The following PCDH11Y variants were observed in gnomAD, a reference collection of about 807,000 sequenced individuals.
The protein encoded by PCDH11Y is protocadherin-11 Y-linked.
For missense variants in PCDH11Y, 12 were observed against 224.8 expected (o/e 0.05, Z 6.05); for synonymous variants, 9 against 83.6 (o/e 0.11, Z 4.87).
intron 2 of PCDH11Y, among the ~76,000 whole-genome samples, chrY:5,230,974 C>T: frequency 1.7e-4 from 5 of 29,958 alleles, no homozygotes; most frequent in African/African-American, 6.5e-4. Flanking sequence ...TGTTCAGCTT[C>T]AGAATTTCTG....
chrY:5,377,821 G>A (rs1602915131), intron 2 of PCDH11Y, among the ~76,000 whole-genome samples: 1 of 32,847 alleles, frequency 3.0e-5, no homozygotes, highest in Non-Finnish European at 7.5e-5. Flanking sequence ...CGTGATCTCG[G>A]CTCAGTGCAA....
intron 4 of PCDH11Y, among the ~76,000 whole-genome samples, chrY:5,633,069 A>G: frequency 3.2e-5 from 1 of 31,680 alleles, no homozygotes; most frequent in South Asian, 7.2e-4. Flanking sequence ...GGCCACCCCA[A>G]TTCTGAGCAA....
intron 2 of PCDH11Y, among the ~76,000 whole-genome samples, chrY:5,319,314 C>T (rs1602903786): frequency 3.0e-5 from 1 of 33,084 alleles, no homozygotes; most frequent in East Asian, 7.9e-4. Context: ...ATATTCTATG[C>T]CATCATGAAT....
intron 2 of PCDH11Y, among the ~76,000 whole-genome samples, chrY:5,133,782 A>T: frequency 9.1e-5 from 3 of 32,811 alleles, no homozygotes; most frequent in African/African-American, 3.6e-4. Flanking sequence ...TAAATAAGTG[A>T]GAACATGTGA....
At chrY:5,412,600 G>C in intron 2 of PCDH11Y, among the ~76,000 whole-genome samples, 1 of 33,132 alleles carries the variant, frequency 3.0e-5, no homozygotes, top group Non-Finnish European at 7.5e-5. Flanking sequence ...TTTGAAGCAG[G>C]CTCCTTCAAT....
At chrY:5,140,428 T>C in intron 2 of PCDH11Y, among the ~76,000 whole-genome samples, 1 of 30,070 alleles carries the variant, frequency 3.3e-5, no homozygotes. Context: ...TATAAAAGTG[T>C]TGCGCATTTA....
At chrY:5,540,296 A>G in intron 3 of PCDH11Y, among the ~76,000 whole-genome samples, 1 of 33,465 alleles carries the variant, frequency 3.0e-5, no homozygotes, top group Non-Finnish European at 7.5e-5. Flanking sequence ...ATGCACATGC[A>G]CACACATACC....
intron 2 of PCDH11Y, among the ~76,000 whole-genome samples, chrY:5,342,300 C>T: frequency 6.0e-5 from 2 of 33,198 alleles, no homozygotes; most frequent in Non-Finnish European, 1.5e-4. Flanking sequence ...CAATGTATTG[C>T]TCTAATTTAT....
chrY:5,742,098 T>G, exon 5 of PCDH11Y: 1 of 32,015 alleles, frequency 3.1e-5, no homozygotes, highest in East Asian at 8.4e-4. Flanking sequence ...GTAAGAAGGT[T>G]GACTATTGTA....
intron 1 of PCDH11Y, among the ~76,000 whole-genome samples, chrY:5,082,707 T>C (rs2124632362): frequency 3.0e-5 from 1 of 33,520 alleles, no homozygotes; most frequent in East Asian, 7.9e-4. Context: ...GTTGTTTGTG[T>C]TTCTGTGGGT....
intron 3 of PCDH11Y, among the ~76,000 whole-genome samples, chrY:5,557,727 A>G: frequency 3.1e-5 from 1 of 32,554 alleles, no homozygotes; most frequent in Non-Finnish European, 7.5e-5. Flanking sequence ...AACAGTGGTG[A>G]TAGTAGGCAT....
intron 2 of PCDH11Y, among the ~76,000 whole-genome samples, chrY:5,321,932 A>G: frequency 3.3e-5 from 1 of 29,964 alleles, no homozygotes; most frequent in African/African-American, 1.3e-4. Context: ...ACTGCATTCC[A>G]GACTGGGAAA....
chrY:5,046,453 G>C, intron 3 of PCDH11Y, among the ~76,000 whole-genome samples: 1 of 33,754 alleles, frequency 3.0e-5, no homozygotes, highest in Non-Finnish European at 7.4e-5. Context: ...CCCACTTGAG[G>C]AGGCAGTCTG....
At chrY:5,306,726 C>T in intron 2 of PCDH11Y, among the ~76,000 whole-genome samples, 3 of 32,376 alleles carry the variant, frequency 9.3e-5, no homozygotes, top group Non-Finnish European at 2.3e-4. Context: ...AACTCTTATG[C>T]ACTTAAGGAG....
At chrY:5,684,113 TA>T (rs2053560994) in intron 4 of PCDH11Y, among the ~76,000 whole-genome samples, 2 of 33,123 alleles carry the variant, frequency 6.0e-5, no homozygotes, top group South Asian at 1.3e-3. Context: ...AACAACTCTA[TA>T]CAAAGAAAAT....
intron 2 of PCDH11Y, among the ~76,000 whole-genome samples, chrY:5,462,715 C>A: frequency 3.1e-5 from 1 of 32,045 alleles, no homozygotes; most frequent in Non-Finnish European, 7.6e-5. Context: ...CGGCTCACTG[C>A]AAACTCTGCC....
intron 4 of PCDH11Y, among the ~76,000 whole-genome samples, chrY:5,735,692 C>T: frequency 3.3e-5 from 1 of 30,166 alleles, no homozygotes; most frequent in Non-Finnish European, 8.0e-5. Flanking sequence ...TTTTTTTAAT[C>T]AAAATTGGTT....
intron 2 of PCDH11Y, among the ~76,000 whole-genome samples, chrY:5,407,651 G>C (rs2053240128): frequency 2.8e-4 from 9 of 32,615 alleles, no homozygotes; most frequent in East Asian, 8.2e-4. Flanking sequence ...CGGTGGCTGA[G>C]GCCTGTAATC....
intron 2 of PCDH11Y, among the ~76,000 whole-genome samples, chrY:5,177,995 AT>A (rs2052895696): frequency 6.2e-5 from 2 of 32,351 alleles, no homozygotes; most frequent in Non-Finnish European, 1.5e-4. Context: ...ACCCACAAAC[AT>A]TTTTTTAAAT....
Sources: gnomAD v4.1 joint callset for allele counts (sites outside exome capture counted in the v4.1 genomes callset) on GRCh38, gnomAD v4.1.1 for gene constraint, MANE v1.5 for transcripts, NCBI Gene and HGNC (gene_info 2026-07-23, HGNC 2026-07-21) for gene names.